ABHD3: variants seen among roughly 807,000 people sequenced by gnomAD.
ABHD3 encodes the protein phospholipase ABHD3.
A neutral mutation model predicts 48.8 loss-of-function variants in ABHD3; 46 were observed. That is an observed-to-expected ratio of 0.94 (90% CI 0.74 to 1.20). ABHD3 has a LOEUF of 1.20. Among genes scored for constraint, ABHD3 ranks in the 50% most tolerant of loss-of-function variants. ABHD3 has a pLI of 0.00. For synonymous variants in ABHD3, 192 were observed against 183.7 expected (o/e 1.04, Z -0.36); for missense variants, 490 against 497.8 (o/e 0.98, Z 0.15).
chr18:21,679,956 G>A (rs1030783947), intron 4 of ABHD3, among the ~76,000 whole-genome samples: 1 of 152,192 alleles, frequency 6.6e-6, no homozygotes, highest in African/African-American at 2.4e-5. Context: ...TTACAGGCAT[G>A]AGCCACTGTG....
intron 3 of ABHD3, among the ~76,000 whole-genome samples, chr18:21,686,231 C>T (rs1055839242): frequency 3.3e-5 from 5 of 152,176 alleles, no homozygotes; most frequent in Non-Finnish European, 4.4e-5. Context: ...AAAACAATGG[C>T]AAGATATCTT....
At chr18:21,666,376 T>G (rs1425311088) in intron 4 of ABHD3, among the ~76,000 whole-genome samples, 1 of 152,200 alleles carries the variant, frequency 6.6e-6, no homozygotes, top group African/African-American at 2.4e-5. Context: ...GTATTTTTAG[T>G]AGAGATGGGG....
intron 4 of ABHD3, among the ~76,000 whole-genome samples, chr18:21,675,172 A>C (rs1032963394): frequency 6.6e-6 from 1 of 150,410 alleles, no homozygotes; most frequent in African/African-American, 2.4e-5. Flanking sequence ...GCACAGCCTG[A>C]GTTCCTGCCG....
At chr18:21,703,869 G>C (rs1369341728) in intron 1 of ABHD3, 122 bp from the exon 2 acceptor site, 1 of 1,070,020 alleles carries the variant, frequency 9.3e-7, no homozygotes, top group Non-Finnish European at 1.3e-6. Flanking sequence ...TCTTTCTGGA[G>C]GGCTGACGCA....
intron 3 of ABHD3, among the ~76,000 whole-genome samples, chr18:21,692,742 T>C (rs891791140): frequency 3.3e-5 from 5 of 152,240 alleles, no homozygotes; most frequent in African/African-American, 1.2e-4. Flanking sequence ...TCCTAAAATT[T>C]ACTCAGCTGC....
chr18:21,659,187 A>T lies in ABHD3; in HGVS notation c.825T>A (p.Leu275=). 6.2e-7 allele frequency: 1 copy of T among 1,613,510 alleles called. No homozygotes were observed. The highest frequency in any genetic ancestry group is 8.5e-7 in the Non-Finnish European group (1 of 1,179,836). ...LLFNYYLTTC[L]QSSVNKHRHM... is the part of the protein sequence containing the mutation. ...TGACTCACTTATTAACTGAAGACTG[A>T]AGGCAGGTTGTCAAATAGTAATTAA... Residue 275 remains leucine, a synonymous_variant, in exon 6 of 9, where the codon CTT becomes CTA. Coordinates refer to ENST00000289119, the MANE Select transcript of ABHD3 (RefSeq NM_138340.5).
chr18:21,667,105 G>A lies in ABHD3; in HGVS notation c.556-2875C>T, dbSNP rs1376456713. On this transcript the variant is annotated intron_variant, in intron 4 of 8. Coordinates refer to ENST00000289119, the MANE Select transcript of ABHD3 (RefSeq NM_138340.5). The stretch of plus-strand genomic sequence containing the variant: ...TTTTTTTTTTTTTGAGACAAGTCTC[G>A]CTCTGTCGCCCAGGCTGGAGTGCAG... Among the ~76,000 whole-genome samples, 230 of 146,512 alleles carry A rather than the reference G, an allele frequency of 1.6e-3. 1 individual carries two copies. Among genetic ancestry groups the A allele is most frequent in the African/African-American group, 5.1e-3 (198 of 38,782 alleles).
chr18:21,673,626 G>C (rs2039807745), intron 4 of ABHD3: 1 of 149,558 alleles, frequency 6.7e-6, no homozygotes, highest in Non-Finnish European at 1.5e-5. Context: ...TTGTTTTTTT[G>C]AGACAGCATC....
At chr18:21,693,380 CAG>C (rs2040295979) in intron 3 of ABHD3, among the ~76,000 whole-genome samples, 1 of 152,274 alleles carries the variant, frequency 6.6e-6, no homozygotes, top group Admixed American at 6.5e-5. Flanking sequence ...TAGTGTATGA[CAG>C]AGTTAGGATC....
At chr18:21,680,870 GTGTGTGTGTGTA>G (rs1330459641) in intron 4 of ABHD3, among the ~76,000 whole-genome samples, 1 of 151,240 alleles carries the variant, frequency 6.6e-6, no homozygotes, top group Non-Finnish European at 1.5e-5. Context: ...GTGTGTGTGT[GTGTGTGTGTGTA>G]TATATATATA....
At chr18:21,652,219 A>ATGGT (rs1555677244) in intron 8 of ABHD3, among the ~76,000 whole-genome samples, 1 of 152,140 alleles carries the variant, frequency 6.6e-6, no homozygotes, top group Non-Finnish European at 1.5e-5. Context: ...GTGGCTGGGC[A>ATGGT]TGGTGGCTCA....
In ABHD3 at chr18:21,651,610, T is replaced by C; in HGVS notation, c.1211A>G (p.His404Arg). The C allele has an allele frequency of 6.2e-7, 1 of 1,614,184 alleles. No individual in the cohort carries two copies. Among genetic ancestry groups the C allele is most frequent in the African/African-American group, 1.3e-5 (1 of 75,056 alleles). The change falls in exon 9 of 9, where the codon CAT (histidine) becomes CGT (arginine). Residue 404 changes from histidine (H) to arginine (R), a missense_variant. His to Arg is a conservative substitution (Grantham distance 29). Coordinates refer to ENST00000289119, the MANE Select transcript of ABHD3 (RefSeq NM_138340.5). ...FKQFVQAMVE[H>R]GHELS ...TACATGTTAAGAGAGTTCATGTCCA[T>C]GCTCAACCATGGCTTGCACAAATTG...
At chr18:21,654,094 C>T (rs958567590) in intron 8 of ABHD3, among the ~76,000 whole-genome samples, 16 of 151,746 alleles carry the variant, frequency 1.1e-4, no homozygotes, top group African/African-American at 3.4e-4. Flanking sequence ...TCAGGTGATC[C>T]ACCCACCTCG....
intron 6 of ABHD3, among the ~76,000 whole-genome samples, chr18:21,657,900 G>GCAAA (rs2039395454): frequency 1.3e-5 from 2 of 151,966 alleles, no homozygotes; most frequent in African/African-American, 4.8e-5. Context: ...AAAGAAATAA[G>GCAAA]CAAACAGAAA....
intron 8 of ABHD3, 34 bp from the exon 9 acceptor site, chr18:21,651,797 A>G: frequency 6.7e-7 from 1 of 1,491,480 alleles, no homozygotes; most frequent in Admixed American, 2.4e-5. Flanking sequence ...AATAAGAGAG[A>G]AGAAGGAGAG....
intron 2 of ABHD3, among the ~76,000 whole-genome samples, chr18:21,703,352 A>G (rs185712590): frequency 4.7e-4 from 71 of 151,510 alleles, no homozygotes; most frequent in Admixed American, 1.7e-3. Context: ...AAAATAAACC[A>G]TTTACATCAG....
chr18:21,659,655 C>T (rs1331496073), intron 5 of ABHD3, among the ~76,000 whole-genome samples: 1 of 145,890 alleles, frequency 6.9e-6, no homozygotes, highest in African/African-American at 2.5e-5. Flanking sequence ...CTGGAATCAC[C>T]TAGAGTTTTT....
Position 21,696,408 on chromosome 18 carries a change from CA to C in ABHD3, c.509+5907del, listed in dbSNP as rs1387704679. ...TTGTGATCCGCCTGCCTTGGCTTCC[CA>C]AAGTGCTGGGATTACAGGCGTGAGC... On this transcript the variant is annotated intron_variant, in intron 3 of 8. Transcript: ENST00000289119. 2.0e-5 allele frequency among the ~76,000 whole-genome samples: 3 copies of C among 152,258 alleles called. No homozygotes were observed. In the East Asian group the frequency reaches 5.8e-4, roughly 29 times the overall value.
chr18:21,670,607 T>A (rs922453159), intron 4 of ABHD3, among the ~76,000 whole-genome samples: 1 of 152,172 alleles, frequency 6.6e-6, no homozygotes, highest in African/African-American at 2.4e-5. Context: ...TGCAGACCAA[T>A]GGGATACTGT....
Sources: gnomAD v4.1 joint callset for allele counts (sites outside exome capture counted in the v4.1 genomes callset) on GRCh38, gnomAD v4.1.1 for gene constraint, MANE v1.5 for transcripts, NCBI Gene and HGNC (gene_info 2026-07-23, HGNC 2026-07-21) for gene names.